LCT: variants seen among roughly 807,000 people sequenced by gnomAD.
The protein encoded by LCT is lactase/phlorizin hydrolase.
A neutral mutation model predicts 173.0 loss-of-function variants in LCT; 90 were observed. The observed-to-expected ratio is 0.52, with a 90% CI of 0.44 to 0.62. The LOEUF (loss-of-function observed/expected upper bound fraction) is 0.62, where lower values mean the gene tolerates loss of function less well. Among genes scored for constraint, LCT ranks in the 20% least tolerant of loss-of-function variants. The pLI is 0.00. For missense variants in LCT, 1,864 were observed against 2,431.4 expected, an observed-to-expected ratio of 0.77 and a Z score of 4.91; for synonymous variants, 853 against 957.6, an observed-to-expected ratio of 0.89 and a Z score of 2.02.
intron 16 of LCT, 71 bp from the exon 17 acceptor site, chr2:135,788,615 G>A (rs1451728038): frequency 3.1e-6 from 3 of 981,280 alleles, no homozygotes; most frequent in African/African-American, 3.1e-5. Context: ...TGAGACCCCA[G>A]CAGAGGCTGC....
intron 5 of LCT, among the ~76,000 whole-genome samples, chr2:135,818,823 G>C (rs1443806013): frequency 6.6e-6 from 1 of 152,198 alleles, no homozygotes; most frequent in East Asian, 1.9e-4. Flanking sequence ...GGCAACAAGA[G>C]TGAAACTCCG....
Position 135,823,784 on chromosome 2 carries a change from T to G in LCT, c.907+117A>C, listed in dbSNP as rs895284. ...TAACCCAGTCTGGGGTGGGCTTTTATACTAGTCTTCCTCCCATGCTCCTCC... is the reference window on the plus strand; with the variant it reads ...TAACCCAGTCTGGGGTGGGCTTTTAGACTAGTCTTCCTCCCATGCTCCTCC... On this transcript the variant is annotated intron_variant, in intron 4 of 16. Coordinates refer to ENST00000264162, the MANE Select transcript of LCT (RefSeq NM_002299.4). 0.99 allele frequency: 746,906 copies of G among 751,258 alleles called. 371,402 individuals carry two copies. Among genetic ancestry groups the G allele is most frequent in the East Asian group, 1 (37,343 of 37,344 alleles). 46.5% of individuals were successfully genotyped at this position (751,258 alleles called of 1,614,324 possible). A position where few individuals can be genotyped will look rare whatever the true frequency, so the allele number is the denominator to read the frequency against.
chr2:135,815,948 G>A (rs1224822968), intron 6 of LCT, among the ~76,000 whole-genome samples: 1 of 152,074 alleles, frequency 6.6e-6, no homozygotes, highest in Non-Finnish European at 1.5e-5. Context: ...TGATCTGCCT[G>A]CCTTGGCCTC....
At chr2:135,794,864 C>G (rs892872307) in intron 13 of LCT, 89 bp from the exon 14 acceptor site, 10 of 1,487,902 alleles carry the variant, frequency 6.7e-6, no homozygotes, top group Non-Finnish European at 9.4e-6. Context: ...GGGGAGCTCT[C>G]CGAACCCCAG....
At chr2:135,821,981 T>C in intron 5 of LCT, 39 bp downstream of exon 5, 1 of 1,109,512 alleles carries the variant, frequency 9.0e-7, no homozygotes. Flanking sequence ...ATTCTACAAA[T>C]ATCAGTTATT....
At chr2:135,791,886 A>G (rs1287808236) in intron 14 of LCT, among the ~76,000 whole-genome samples, 1 of 152,282 alleles carries the variant, frequency 6.6e-6, no homozygotes, top group Non-Finnish European at 1.5e-5. Flanking sequence ...GGCAGATAAG[A>G]GACAGGACTT....
At chr2:135,822,257 T>C in intron 4 of LCT, 159 bp from the exon 5 acceptor site, 1 of 632,844 alleles carries the variant, frequency 1.6e-6, no homozygotes, top group Non-Finnish European at 2.8e-6. Context: ...TTTAAAAGCT[T>C]AGAAGTGAAT....
In LCT at chr2:135,800,776, A is replaced by G. The variant is rs2077619726; in HGVS notation, c.4697T>C (p.Ile1566Thr). The change falls in exon 12 of 17, where the codon ATT becomes ACT. Residue 1566 changes from isoleucine (I) to threonine (T), a missense_variant. By Grantham distance (89) the Ile-to-Thr change is moderately conservative. This residue lies in a region of LCT where 514 missense variants were observed against 750.1 expected (regional missense o/e 0.69). Coordinates refer to ENST00000264162, the MANE Select transcript of LCT (RefSeq NM_002299.4). ...AGCCTTTATTAGATTGTGGCCAACA[A>G]TGTAGGGGGCAGTGCCAGGCCTATT... Reference protein sequence around the residue: ...VSNRPGTAPYIVGHNLIKAHA... With the variant: ...VSNRPGTAPYTVGHNLIKAHA... The G allele has an allele frequency of 6.2e-7, 1 of 1,614,106 alleles. No individual in the cohort carries two copies. The highest frequency in any genetic ancestry group is 8.5e-7 in the Non-Finnish European group (1 of 1,180,006).
At position 135,808,921 on chromosome 2, in the gene LCT, G is replaced by T. The variant is rs141057910; in HGVS notation, c.3426C>A (p.Ala1142=). The change falls in exon 8 of 17, where the codon GCC becomes GCA. Residue 1142 remains alanine, a synonymous_variant. Transcript: ENST00000264162. ...GGGAGAACTGCAGCATTCGGTCAGC[G>T]GCTTCCACATCTCTGGGGACCCCTG... is the stretch of plus-strand genomic sequence containing the variant. The part of the protein sequence containing the change: ...KSPGVPRDVE[A]ADRMLQFSLG... 1 of 1,614,198 alleles carries T rather than the reference G, an allele frequency of 6.2e-7. No homozygotes were observed. Among genetic ancestry groups the T allele is most frequent in the Admixed American group, 1.7e-5 (1 of 60,034 alleles).
chr2:135,822,038 G>T lies in LCT; in HGVS notation c.968C>A (p.Ser323Ter). The change falls in exon 5 of 17, where the codon TCA (serine) becomes TAA (stop). Residue 323 changes from serine (S) to a stop codon, truncating the protein, a stop_gained. Coordinates refer to ENST00000264162, the MANE Select transcript of LCT (RefSeq NM_002299.4). LOFTEE classifies it high-confidence loss of function. ...ACATTACCTTTTCTTGGAACTTGAT[G>T]AACAACTCAGAAACTCATTAATATC... is the stretch of plus-strand genomic sequence containing the variant. Reference protein sequence around the residue: ...GFDINEFLSCSSSSKKSMSCS... With the variant: ...GFDINEFLSC The T allele has an allele frequency of 6.2e-7, 1 of 1,602,780 alleles. No homozygotes were observed. The highest frequency in any genetic ancestry group is 1.1e-5 in the South Asian group (1 of 90,842).
intron 6 of LCT, among the ~76,000 whole-genome samples, chr2:135,816,798 A>G (rs1440240766): frequency 6.6e-6 from 1 of 152,142 alleles, no homozygotes; most frequent in Admixed American, 6.5e-5. Context: ...CATCAGTGCT[A>G]TTCTGAGTAT....
At chr2:135,815,337 G>A (rs2077770123) in intron 6 of LCT, among the ~76,000 whole-genome samples, 1 of 152,136 alleles carries the variant, frequency 6.6e-6, no homozygotes, top group Non-Finnish European at 1.5e-5. Flanking sequence ...CAGTTCAAAG[G>A]GGAAGAAAAG....
intron 7 of LCT, among the ~76,000 whole-genome samples, chr2:135,811,039 AG>A (rs2077730732): frequency 6.6e-6 from 1 of 151,378 alleles, no homozygotes; most frequent in African/African-American, 2.4e-5. Context: ...AAAAAAAAAA[AG>A]AAAAAAGAAA....
chr2:135,806,880 C>T (rs1028406623), intron 9 of LCT, among the ~76,000 whole-genome samples: 16 of 152,218 alleles, frequency 1.1e-4, no homozygotes, highest in African/African-American at 3.4e-4. Context: ...TGCCCAGGCT[C>T]CCCCTGCTCC....
chr2:135,822,177 G>T, intron 4 of LCT, 79 bp from the exon 5 acceptor site: 1 of 887,616 alleles, frequency 1.1e-6, no homozygotes, highest in Non-Finnish European at 1.9e-6. Flanking sequence ...AGTTTTCCTC[G>T]CTCATACGAC....
chr2:135,797,680 G>A (rs1434134811), intron 13 of LCT, among the ~76,000 whole-genome samples: 7 of 152,192 alleles, frequency 4.6e-5, no homozygotes, highest in African/African-American at 1.4e-4. Context: ...TGCTGGCCAA[G>A]TGATGCAAAG....
rs1193478255 is a variant in LCT at position 135,794,655 on chromosome 2, A to G, written c.5097T>C (p.Ser1699=). Residue 1699 remains serine (S), a synonymous_variant, in exon 14 of 17, where the codon TCT becomes TCC. Transcript: ENST00000264162. ...GGTGGACTTACCTGTCTGCATCAAA[A>G]GAAGAGATGGCAGTGGCATAGTTGA... The part of the protein sequence containing the change: ...YNLNYATAIS[S]FDADRGVASI... 6.2e-7 allele frequency: 1 copy of G among 1,614,068 alleles called. No individual in the cohort carries two copies. Among genetic ancestry groups the G allele is most frequent in the African/African-American group, 1.3e-5 (1 of 74,934 alleles).
chr2:135,813,239 A>C (rs1327444474), intron 6 of LCT, among the ~76,000 whole-genome samples: 2 of 149,254 alleles, frequency 1.3e-5, no homozygotes, highest in Non-Finnish European at 2.9e-5. Context: ...CAATGTCAAC[A>C]AGTCAACAAT....
chr2:135,797,183 A>G (rs1418720078), intron 13 of LCT, among the ~76,000 whole-genome samples: 44 of 152,154 alleles, frequency 2.9e-4, no homozygotes, highest in African/African-American at 1.1e-3. Context: ...CATGACTTCA[A>G]GTGATCCGCC....
Sources: gnomAD v4.1 joint callset for allele counts (sites outside exome capture counted in the v4.1 genomes callset) on GRCh38, gnomAD v4.1.1 for gene constraint, gnomAD v4.1.1 regional missense constraint, MANE v1.5 for transcripts, NCBI Gene and HGNC (gene_info 2026-07-23, HGNC 2026-07-21) for gene names.